PCDHA9: variants seen among roughly 807,000 people sequenced by gnomAD.
The protein encoded by PCDHA9 is protocadherin alpha-9.
A neutral mutation model predicts 62.0 loss-of-function variants in PCDHA9; 62 were observed. That is an observed-to-expected ratio of 1.00 (90% CI 0.81 to 1.23). The LOEUF (loss-of-function observed/expected upper bound fraction) is 1.23. Among genes scored for constraint, PCDHA9 ranks in the 50% most tolerant of loss-of-function variants. PCDHA9 has a pLI of 0.00. For missense variants in PCDHA9, 1,205 were observed against 1,249.8 expected (o/e 0.96, Z 0.54); for synonymous variants, 557 against 567.6 (o/e 0.98, Z 0.27).
At chr5:140,876,153 G>T in intron 1 of PCDHA9, 2 of 1,613,964 alleles carry the variant, frequency 1.2e-6, no homozygotes, top group South Asian at 2.2e-5. Context: ...GGTCTGTCCA[G>T]ATTCAAATAA....
At chr5:140,870,643 G>T (rs782549928) in intron 1 of PCDHA9, 6 of 1,612,796 alleles carry the variant, frequency 3.7e-6, no homozygotes, top group Non-Finnish European at 5.1e-6. Flanking sequence ...CGCGGAGAGC[G>T]GCAAGGTGTA....
At chr5:140,965,039 C>G (rs1237802301) in intron 1 of PCDHA9, among the ~76,000 whole-genome samples, 6 of 152,236 alleles carry the variant, frequency 3.9e-5, no homozygotes, top group African/African-American at 1.2e-4. Context: ...ACTGTCCGCT[C>G]TAGGAGGGAA....
chr5:140,902,767 G>A (rs1038910114), intron 1 of PCDHA9, among the ~76,000 whole-genome samples: 2 of 145,672 alleles, frequency 1.4e-5, no homozygotes, highest in African/African-American at 5.0e-5. Flanking sequence ...TTATGTCTTT[G>A]CATTCTCATA....
chr5:140,861,421 T>C, intron 1 of PCDHA9: 2 of 481,940 alleles, frequency 4.1e-6, no homozygotes, highest in South Asian at 3.2e-5. Context: ...CCGCGCCTGT[T>C]TCAGTTGGAT....
chr5:140,926,857 T>C (rs782114974), intron 1 of PCDHA9: 12 of 1,520,736 alleles, frequency 7.9e-6, no homozygotes, highest in Admixed American at 2.2e-5. Context: ...ACCGTTGGTG[T>C]AGCGTGTTGG....
At chr5:140,902,208 T>TC (rs1462936622) in intron 1 of PCDHA9, among the ~76,000 whole-genome samples, 2 of 149,762 alleles carry the variant, frequency 1.3e-5, no homozygotes, top group East Asian at 3.9e-4. Flanking sequence ...TCTTTCTTTT[T>TC]TTTTTTTTTT....
chr5:141,000,314 A>T (rs2097900305), intron 3 of PCDHA9, among the ~76,000 whole-genome samples: 1 of 145,492 alleles, frequency 6.9e-6, no homozygotes, highest in East Asian at 2.0e-4. Context: ...GTTCAAGACC[A>T]GCTTGGGCAA....
At chr5:140,967,226 C>G (rs782350843) in intron 1 of PCDHA9, 1 of 1,613,746 alleles carries the variant, frequency 6.2e-7, no homozygotes, top group Non-Finnish European at 8.5e-7. Flanking sequence ...GCCCAACTAC[C>G]AGCTTCAGGT....
At chr5:140,969,968 G>A (rs935403265) in intron 1 of PCDHA9, among the ~76,000 whole-genome samples, 2 of 152,200 alleles carry the variant, frequency 1.3e-5, no homozygotes, top group Non-Finnish European at 2.9e-5. Flanking sequence ...GCTGTATGAT[G>A]TGGCAACTCT....
chr5:140,864,705 G>T (rs1321181111), intron 1 of PCDHA9: 1 of 152,172 alleles, frequency 6.6e-6, no homozygotes, highest in Admixed American at 6.5e-5. Flanking sequence ...AAGTTGTTGA[G>T]CTCTTCTACT....
chr5:140,859,289 ATACTT>A (rs1272125290), intron 1 of PCDHA9: 2 of 129,084 alleles, frequency 1.5e-5, no homozygotes, highest in African/African-American at 5.5e-5. Context: ...GAGACTGAAA[ATACTT>A]TAGTATGAAT....
chr5:140,893,781 G>C (rs113070458), intron 1 of PCDHA9, among the ~76,000 whole-genome samples: 1 of 151,996 alleles, frequency 6.6e-6, no homozygotes, highest in Non-Finnish European at 1.5e-5. Context: ...TTCTTTTACC[G>C]TTTTTAGAAT....
At chr5:140,941,216 T>TTTCTTTCTTTCC (rs782179127) in intron 1 of PCDHA9, among the ~76,000 whole-genome samples, 13 of 124,948 alleles carry the variant, frequency 1.0e-4, no homozygotes, top group Non-Finnish European at 1.8e-4. Context: ...TCTTTCTTCC[T>TTTCTTTCTTTCC]TTCTTTCTTT....
At chr5:140,865,422 A>G (rs1381017187) in intron 1 of PCDHA9, 2 of 152,214 alleles carry the variant, frequency 1.3e-5, no homozygotes, top group African/African-American at 4.8e-5. Context: ...AGTAGTGTCT[A>G]CCTAGAAAAA....
Position 140,850,161 on chromosome 5 carries a change from C to T in PCDHA9, c.1666C>T (p.Leu556=), listed in dbSNP as rs2150470387. The change falls in exon 1 of 4, where the codon CTG becomes TTG. Residue 556 remains leucine (L), a synonymous_variant. Coordinates refer to ENST00000532602, the MANE Select transcript of PCDHA9 (RefSeq NM_031857.2). ...CAACGTGACGCTGCAGGTGTTCGTG[C>T]TGGACGAGAACGACAATGCGCCGGC... ...GSNVTLQVFV[L]DENDNAPALL... is the part of the protein sequence containing the mutation. 20 of 1,594,886 alleles carry T rather than the reference C, an allele frequency of 1.3e-5. 1 individual carries two copies. Among genetic ancestry groups the T allele is most frequent in the Non-Finnish European group, 1.7e-5 (20 of 1,167,810 alleles).
intron 3 of PCDHA9, among the ~76,000 whole-genome samples, chr5:141,005,306 C>T (rs1563689503): frequency 6.6e-6 from 1 of 152,158 alleles, no homozygotes; most frequent in Non-Finnish European, 1.5e-5. Context: ...CTTTGTGAAT[C>T]TTACAGTGGT....
intron 1 of PCDHA9, chr5:140,870,270 G>C (rs139719896): frequency 0.022 from 34,719 of 1,614,158 alleles, 446 homozygotes; most frequent in African/African-American, 0.029. Flanking sequence ...GCTCGCTGAC[G>C]CCCCACGTTC....
chr5:140,880,147 A>G (rs986031880), intron 1 of PCDHA9, among the ~76,000 whole-genome samples: 1 of 152,254 alleles, frequency 6.6e-6, no homozygotes, highest in African/African-American at 2.4e-5. Context: ...AAAGTGCAAT[A>G]TATCAAGTAT....
chr5:140,920,927 A>G (rs1350465462), intron 1 of PCDHA9, among the ~76,000 whole-genome samples: 1 of 151,716 alleles, frequency 6.6e-6, no homozygotes, highest in East Asian at 1.9e-4. Context: ...AGAGTAGGTG[A>G]TCTAGCCCTT....
Sources: gnomAD v4.1 joint callset for allele counts (sites outside exome capture counted in the v4.1 genomes callset) on GRCh38, gnomAD v4.1.1 for gene constraint, MANE v1.5 for transcripts, NCBI Gene and HGNC (gene_info 2026-07-23, HGNC 2026-07-21) for gene names.